SLC1A4: variants seen among roughly 807,000 people sequenced by gnomAD.
SLC1A4 encodes solute carrier family 1 member 4.
In SLC1A4, 19 loss-of-function variants were observed where a neutral mutation model predicts 37.7. The observed-to-expected ratio is 0.50, with a 90% CI of 0.35 to 0.74. The LOEUF (loss-of-function observed/expected upper bound fraction) is 0.74, where lower values mean the gene tolerates loss of function less well. Among genes scored for constraint, SLC1A4 ranks in the 30% least tolerant of loss-of-function variants. SLC1A4 has a pLI of 0.01. For synonymous variants in SLC1A4, 299 were observed against 309.8 expected (o/e 0.97, Z 0.37); for missense variants, 570 against 712.9 (o/e 0.80, Z 2.28).
chr2:65,001,747 A>G (rs1673464873), intron 2 of SLC1A4, among the ~76,000 whole-genome samples: 1 of 152,222 alleles, frequency 6.6e-6, no homozygotes, highest in African/African-American at 2.4e-5. Context: ...CCTAAGAAAT[A>G]CCCTCAAATC....
chr2:64,998,636 G>A (rs1227053068), intron 1 of SLC1A4, among the ~76,000 whole-genome samples: 1 of 152,178 alleles, frequency 6.6e-6, no homozygotes, highest in East Asian at 1.9e-4. Flanking sequence ...TGTGCCAGTG[G>A]CTGTTAGGTG....
At chr2:65,006,130 G>C (rs1673661990) in intron 3 of SLC1A4, among the ~76,000 whole-genome samples, 2 of 152,306 alleles carry the variant, frequency 1.3e-5, no homozygotes, top group East Asian at 1.9e-4. Flanking sequence ...GGTTACCTGT[G>C]AGCATCCACC....
intron 4 of SLC1A4, among the ~76,000 whole-genome samples, chr2:65,013,598 A>T (rs1299806351): frequency 6.6e-6 from 1 of 152,220 alleles, no homozygotes; most frequent in Non-Finnish European, 1.5e-5. Flanking sequence ...GCAGGTATTC[A>T]GTAAGGCAGA....
In SLC1A4 at chr2:65,016,423, C is replaced by G. The variant is rs1674136406; in HGVS notation, c.801-17C>G. 1 of 1,593,934 alleles carries G rather than the reference C, an allele frequency of 6.3e-7. No individual in the cohort carries two copies. Among genetic ancestry groups the G allele is most frequent in the Non-Finnish European group, 8.6e-7 (1 of 1,161,566 alleles). On this transcript the variant is annotated splice_polypyrimidine_tract_variant and intron_variant, in intron 4 of 7. Coordinates refer to ENST00000234256, the MANE Select transcript of SLC1A4 (RefSeq NM_003038.5). ...GCTTTATCCCCCACTGATGAGTACC[C>G]TGTGCTTGTGCCCTAGGTACGTACC... is the stretch of plus-strand genomic sequence containing the variant.
intron 4 of SLC1A4, among the ~76,000 whole-genome samples, chr2:65,011,031 G>A (rs1310956579): frequency 6.6e-6 from 1 of 152,146 alleles, no homozygotes; most frequent in South Asian, 2.1e-4. Flanking sequence ...TTCCATCACC[G>A]GGATCTGTTT....
In SLC1A4 at chr2:64,998,840, T is replaced by C. The variant is rs146292741; in HGVS notation, c.528-2608T>C. On this transcript the variant is annotated intron_variant, in intron 1 of 7. Coordinates refer to ENST00000234256, the MANE Select transcript of SLC1A4 (RefSeq NM_003038.5). ...GAGGAAACAGCTAATCCCTGAAGGA[T>C]GTGAGGTATTTGCCGGGGGAAATTG... Among the ~76,000 whole-genome samples the C allele has an allele frequency of 6.5e-4, 99 of 152,292 alleles. No individual in the cohort carries two copies. In the East Asian group the frequency reaches 0.019, roughly 29 times the overall value.
At position 65,010,576 on chromosome 2, in the gene SLC1A4, C is replaced by A; in HGVS notation, c.634-21C>A. On this transcript the variant is annotated intron_variant, in intron 3 of 7. Transcript: ENST00000234256. ...CTCACTCATCTGTTGTAAACTTGTT[C>A]TATCCTCTCTGATCCTGCAGATCCC... 2.5e-6 allele frequency: 4 copies of A among 1,581,504 alleles called. No homozygotes were observed. In the South Asian group the frequency reaches 4.7e-5, roughly 18 times the overall value.
At chr2:65,004,442 A>G (rs577914979) in intron 3 of SLC1A4, among the ~76,000 whole-genome samples, 9 of 150,958 alleles carry the variant, frequency 6.0e-5, no homozygotes, top group African/African-American at 2.2e-4. Context: ...TTATTTATTT[A>G]TTTATTTATT....
upstream of SLC1A4, chr2:64,989,290 C>A: frequency 5.5e-6 from 1 of 181,088 alleles, no homozygotes; most frequent in East Asian, 1.4e-4. Context: ...CTGTGATTGG[C>A]CAGCGCCACA....
chr2:65,010,313 C>T (rs1336531887), intron 3 of SLC1A4, among the ~76,000 whole-genome samples: 1 of 152,158 alleles, frequency 6.6e-6, no homozygotes, highest in East Asian at 1.9e-4. Context: ...GAATATATCC[C>T]CATGACAGGG....
At chr2:64,993,498 G>A (rs1673139563) in intron 1 of SLC1A4, among the ~76,000 whole-genome samples, 1 of 152,194 alleles carries the variant, frequency 6.6e-6, no homozygotes, top group Non-Finnish European at 1.5e-5. Context: ...AGAAGGGATG[G>A]CCAATAGTAG....
chr2:64,989,206 C>A (rs1402535443), upstream of SLC1A4, among the ~76,000 whole-genome samples: 1 of 151,598 alleles, frequency 6.6e-6, no homozygotes, highest in Non-Finnish European at 1.5e-5. Flanking sequence ...CCCGCCCGGC[C>A]GCCCCCTGCG....
chr2:65,003,962 G>T lies in SLC1A4; in HGVS notation c.580G>T (p.Asp194Tyr), dbSNP rs140402535. The T allele has an allele frequency of 6.2e-7, 1 of 1,613,652 alleles. No homozygotes were observed. Among genetic ancestry groups the T allele is most frequent in the Non-Finnish European group, 8.5e-7 (1 of 1,179,776 alleles). ...VVAAFRTYAT[D>Y]YKVVTQNSSS... ...TTCCTCTTGATCACAGTATGCAACC[G>T]ATTATAAAGTCGTGACCCAGAACAG... is the stretch of plus-strand genomic sequence containing the variant. Residue 194 changes from aspartate to tyrosine, a missense_variant, in exon 3 of 8, where the codon GAT (aspartate) becomes TAT (tyrosine). By Grantham distance (160) the Asp-to-Tyr change is radical. Coordinates refer to ENST00000234256, the MANE Select transcript of SLC1A4 (RefSeq NM_003038.5).
rs1015121877 is a variant in SLC1A4 at position 65,021,343 on chromosome 2, A to G, written c.*197A>G. On this transcript the variant is annotated 3_prime_UTR_variant, in exon 8 of 8. Coordinates refer to ENST00000234256, the MANE Select transcript of SLC1A4 (RefSeq NM_003038.5). ...CCGGAACTGGTTACCAAGGACAAGG[A>G]CACTCTGACATTCGGCTTGATCCAT... 3 of 589,364 alleles carry G rather than the reference A, an allele frequency of 5.1e-6. No homozygotes were observed. The highest frequency in any genetic ancestry group is 6.0e-6 in the Non-Finnish European group (2 of 330,942). The allele number at this position is 589,364 out of a possible 1,614,324, so 36.5% of individuals were successfully genotyped here.
intron 3 of SLC1A4, among the ~76,000 whole-genome samples, chr2:65,008,996 C>T (rs1378730163): frequency 1.3e-5 from 2 of 152,196 alleles, no homozygotes. Context: ...GCCGCTGCTC[C>T]TCTATAAGTG....
rs144796570 is a variant in SLC1A4 at position 65,018,631 on chromosome 2, G to A, written c.1316G>A (p.Gly439Glu). ...LTIAIILEAI[G>E]LPTHDLPLIL... ...ATTGCCATTATCCTGGAGGCCATTG[G>A]GCTGCCTACTCATGACCTGCCTCTG... Residue 439 changes from glycine to glutamate, a missense_variant, in exon 7 of 8, where the codon GGG becomes GAG. By Grantham distance (98) the Gly-to-Glu change is moderately conservative. Coordinates refer to ENST00000234256, the MANE Select transcript of SLC1A4 (RefSeq NM_003038.5). The surrounding 1 kb of genome is among the most constrained non-coding windows in gnomAD (Gnocchi z 4.3). 7.4e-4 allele frequency: 1,194 copies of A among 1,614,202 alleles called. No homozygotes were observed. Among genetic ancestry groups the A allele is most frequent in the Non-Finnish European group, 9.7e-4 (1,143 of 1,180,034 alleles).
intron 1 of SLC1A4, chr2:65,000,806 T>C (rs554110931): frequency 1.3e-5 from 2 of 152,372 alleles, no homozygotes; most frequent in East Asian, 3.9e-4. Context: ...GGCCTTGAGA[T>C]AATTCATTAT....
intron 4 of SLC1A4, chr2:65,011,546 G>A (rs1426340127): frequency 6.6e-6 from 1 of 151,994 alleles, no homozygotes; most frequent in African/African-American, 2.4e-5. Context: ...GGAATTACAG[G>A]TGTGAGCCAC....
In SLC1A4 at chr2:65,018,552, G is replaced by A. The variant is rs1674274736; in HGVS notation, c.1237G>A (p.Ala413Thr). 1.2e-6 allele frequency: 2 copies of A among 1,614,086 alleles called. No homozygotes were observed. Among genetic ancestry groups the A allele is most frequent in the Admixed American group, 3.3e-5 (2 of 60,012 alleles). Residue 413 changes from alanine to threonine, a missense_variant, in exon 7 of 8, where the codon GCC becomes ACC. By Grantham distance (58) the Ala-to-Thr change is moderately conservative. Transcript: ENST00000234256. The surrounding 1 kb of genome is among the most constrained non-coding windows in gnomAD (Gnocchi z 4.3). Reference sequence around the variant, plus strand: ...TGCTCTGCCATCCCTTAGAGTGACTGCCACAGCGTCCAGTGTTGGAGCAGC... The same window carrying A: ...TGCTCTGCCATCCCTTAGAGTGACTACCACAGCGTCCAGTGTTGGAGCAGC... ...AGQIFTILVT[A>T]TASSVGAAGV...
Sources: allele counts gnomAD v4.1 joint callset (sites outside exome capture counted in the v4.1 genomes callset), GRCh38; gene constraint gnomAD v4.1.1; non-coding constraint Gnocchi (gnomAD v3.1); transcripts MANE v1.5; gene names NCBI Gene and HGNC (gene_info 2026-07-23, HGNC 2026-07-21).